LRMDA: variants seen among roughly 807,000 people sequenced by gnomAD.
LRMDA encodes the protein leucine rich melanocyte differentiation associated, also known as leucine-rich melanocyte differentiation-associated protein.
In LRMDA, 18 loss-of-function variants were observed where a neutral mutation model predicts 29.8. That is an observed-to-expected ratio of 0.60 (90% CI 0.42 to 0.90). The LOEUF is 0.90. Among genes scored for constraint, LRMDA ranks in the 40% least tolerant of loss-of-function variants. The probability of loss-of-function intolerance (pLI) is 0.00; values close to 1 mark genes in which losing one functional copy is unlikely to be tolerated. For synonymous variants in LRMDA, 125 were observed against 109.4 expected (o/e 1.14, Z -0.89); for missense variants, 273 against 273.9 (o/e 1.00, Z 0.02).
intron 6 of LRMDA, among the ~76,000 whole-genome samples, chr10:76,460,605 C>G (rs928329484): frequency 6.6e-6 from 1 of 152,210 alleles, no homozygotes; most frequent in Non-Finnish European, 1.5e-5. Flanking sequence ...ATAGCAAGAA[C>G]TGTGTATCTT....
chr10:76,488,508 T>C (rs901883989), intron 6 of LRMDA, among the ~76,000 whole-genome samples: 1 of 151,918 alleles, frequency 6.6e-6, no homozygotes, highest in East Asian at 1.9e-4. Context: ...TTAAAAATAT[T>C]ATTGCTGACA....
intron 2 of LRMDA, among the ~76,000 whole-genome samples, chr10:75,654,396 G>C (rs1373265394): frequency 6.6e-6 from 1 of 152,158 alleles, no homozygotes; most frequent in Non-Finnish European, 1.5e-5. Flanking sequence ...TTCTTACCCA[G>C]GAGTATATTA....
chr10:76,221,843 G>T (rs968710434), intron 5 of LRMDA, among the ~76,000 whole-genome samples: 1 of 152,016 alleles, frequency 6.6e-6, no homozygotes, highest in Admixed American at 6.6e-5. Flanking sequence ...AAAGCTGGAG[G>T]CATCACACTA....
intron 6 of LRMDA, among the ~76,000 whole-genome samples, chr10:76,333,789 C>G (rs1009597963): frequency 1.3e-5 from 2 of 151,906 alleles, no homozygotes; most frequent in Non-Finnish European, 2.9e-5. Flanking sequence ...ACTGGGAGTA[C>G]AAAAAATAAA....
At chr10:75,565,423 G>A (rs1306202237) in intron 2 of LRMDA, among the ~76,000 whole-genome samples, 1 of 152,236 alleles carries the variant, frequency 6.6e-6, no homozygotes, top group Non-Finnish European at 1.5e-5. Flanking sequence ...TCTTAATTGG[G>A]TGCCAGTTTG....
intron 2 of LRMDA, among the ~76,000 whole-genome samples, chr10:75,816,135 A>G (rs1341702332): frequency 6.6e-6 from 1 of 151,998 alleles, no homozygotes; most frequent in Non-Finnish European, 1.5e-5. Context: ...GCTACCTGTC[A>G]TTTTTCCATT....
intron 2 of LRMDA, among the ~76,000 whole-genome samples, chr10:75,691,189 G>GAT (rs1301671243): frequency 8.5e-6 from 1 of 118,000 alleles, no homozygotes; most frequent in Non-Finnish European, 1.8e-5. Context: ...TATGTACATA[G>GAT]ATATATATAC....
At chr10:75,850,580 G>A (rs1844715049) in intron 2 of LRMDA, among the ~76,000 whole-genome samples, 1 of 152,166 alleles carries the variant, frequency 6.6e-6, no homozygotes, top group East Asian at 1.9e-4. Flanking sequence ...TTTGGCCTGA[G>A]AGAATGGCTG....
At chr10:75,454,720 A>G (rs920560271) in intron 2 of LRMDA, among the ~76,000 whole-genome samples, 4 of 152,214 alleles carry the variant, frequency 2.6e-5, no homozygotes, top group Admixed American at 1.3e-4. Context: ...AGGTGGACCA[A>G]TATCACAGAG....
rs1022855639 is a variant in LRMDA at position 76,041,788 on chromosome 10, G to A, written c.259-5376G>A. On this transcript the variant is annotated intron_variant, in intron 3 of 6. Coordinates refer to ENST00000611255, the MANE Select transcript of LRMDA (RefSeq NM_001305581.2). ...CTGGGCTCTGCAATGGCAACTTTCT[G>A]CAGACAACACTGAAAAAAAATCTCA... Among the ~76,000 whole-genome samples the A allele has an allele frequency of 7.0e-4, 107 of 152,154 alleles. 1 individual carries two copies. The highest frequency in any genetic ancestry group is 2.6e-3 in the African/African-American group (107 of 41,424).
At chr10:75,442,054 TTAC>T (rs1172274270) in intron 2 of LRMDA, among the ~76,000 whole-genome samples, 1 of 152,250 alleles carries the variant, frequency 6.6e-6, no homozygotes, top group African/African-American at 2.4e-5. Context: ...CTAAGTATTG[TTAC>T]TCAGTTTTTG....
chr10:75,598,579 C>CA (rs369170792), intron 2 of LRMDA, among the ~76,000 whole-genome samples: 1 of 152,024 alleles, frequency 6.6e-6, no homozygotes, highest in African/African-American at 2.4e-5. Context: ...TGTTACTACC[C>CA]AAAACAATCT....
intron 2 of LRMDA, among the ~76,000 whole-genome samples, chr10:75,502,574 T>A (rs1038585296): frequency 6.6e-6 from 1 of 152,176 alleles, no homozygotes; most frequent in Non-Finnish European, 1.5e-5. Context: ...TCTTCGGGAA[T>A]GACTCGTGTC....
At chr10:76,152,063 A>G (rs1192531607) in intron 5 of LRMDA, among the ~76,000 whole-genome samples, 1 of 152,200 alleles carries the variant, frequency 6.6e-6, no homozygotes, top group Non-Finnish European at 1.5e-5. Flanking sequence ...TAAGTATCCA[A>G]TTCATTGGTT....
At chr10:76,468,653 C>T (rs1842587985) in intron 6 of LRMDA, among the ~76,000 whole-genome samples, 1 of 152,132 alleles carries the variant, frequency 6.6e-6, no homozygotes, top group Non-Finnish European at 1.5e-5. Flanking sequence ...TAATCATTTT[C>T]AGGTATACAC....
At chr10:75,894,565 A>G (rs1386842708) in intron 2 of LRMDA, among the ~76,000 whole-genome samples, 1 of 152,256 alleles carries the variant, frequency 6.6e-6, no homozygotes, top group Non-Finnish European at 1.5e-5. Flanking sequence ...AACCAAAAGT[A>G]GATCTACCCC....
chr10:75,611,017 G>A (rs568107187), intron 2 of LRMDA, among the ~76,000 whole-genome samples: 2 of 152,260 alleles, frequency 1.3e-5, no homozygotes, highest in Admixed American at 1.3e-4. Context: ...ACTCTTACAG[G>A]GTTTGGGGTG....
At chr10:76,361,708 C>T (rs1841315303) in intron 6 of LRMDA, among the ~76,000 whole-genome samples, 1 of 152,112 alleles carries the variant, frequency 6.6e-6, no homozygotes, top group Non-Finnish European at 1.5e-5. Flanking sequence ...CCAAAGAACA[C>T]TATATAAACT....
intron 2 of LRMDA, among the ~76,000 whole-genome samples, chr10:75,598,697 T>C (rs1393261037): frequency 6.6e-6 from 1 of 152,266 alleles, no homozygotes; most frequent in African/African-American, 2.4e-5. Context: ...AGGCTTCATA[T>C]GTAACTCCTT....
Sources: allele counts gnomAD v4.1 joint callset (sites outside exome capture counted in the v4.1 genomes callset), GRCh38; gene constraint gnomAD v4.1.1; transcripts MANE v1.5; gene names NCBI Gene and HGNC (gene_info 2026-07-23, HGNC 2026-07-21).